Variants in HLCS observed in about 807,000 individuals in gnomAD.
The protein encoded by HLCS is holocarboxylase synthetase, also known as biotin--protein ligase.
In HLCS, 53 loss-of-function variants were observed where a neutral mutation model predicts 75.0. That is an observed-to-expected ratio of 0.71 (90% CI 0.57 to 0.89). The LOEUF (loss-of-function observed/expected upper bound fraction) is 0.89. HLCS is among the 40% of genes least tolerant of loss of function. The pLI, the probability that HLCS is intolerant of heterozygous loss-of-function variation, is 0.00. For missense variants in HLCS, 966 were observed against 1,074.0 expected, an observed-to-expected ratio of 0.90 and a Z score of 1.41; for synonymous variants, 431 against 428.6, an observed-to-expected ratio of 1.01 and a Z score of -0.07.
In HLCS at chr21:36,756,282, C is replaced by CA. The variant is rs35509622; in HGVS notation, c.2450+259dup. Reference sequence around the variant, plus strand: ...TGAAACCCCACCTCCACTAAAAATACAAAAAATTAGCCGGGTGTGGCGGCG... The same window carrying CA: ...TGAAACCCCACCTCCACTAAAAATACAAAAAAATTAGCCGGGTGTGGCGGCG... On this transcript the variant is annotated intron_variant, in intron 10 of 10. Transcript: ENST00000674895. Among the ~76,000 whole-genome samples the CA allele has an allele frequency of 9.2e-3, 1,386 of 151,460 alleles. 11 individuals are homozygous for CA. The highest frequency in any genetic ancestry group is 0.013 in the Non-Finnish European group (893 of 67,918).
At chr21:36,793,412 C>T (rs1368950208) in intron 6 of HLCS, among the ~76,000 whole-genome samples, 1 of 151,406 alleles carries the variant, frequency 6.6e-6, no homozygotes, top group African/African-American at 2.4e-5. Flanking sequence ...AGCAATTCTC[C>T]TTCCTCAGCC....
chr21:36,939,403 C>T (rs146267099), intron 2 of HLCS, among the ~76,000 whole-genome samples: 3 of 152,116 alleles, frequency 2.0e-5, no homozygotes, highest in Non-Finnish European at 4.4e-5. Context: ...AAGTGTGGTC[C>T]GAGACCAAGT....
chr21:36,756,866 C>A lies in HLCS; in HGVS notation c.2237-111G>T, dbSNP rs2089624522. 3 of 1,578,254 alleles carry A rather than the reference C, an allele frequency of 1.9e-6. No individual in the cohort carries two copies. The African/African-American group carries it at 4.1e-5, about 21-fold the overall frequency. The stretch of plus-strand genomic sequence containing the variant: ...GACTGTCAACTTCCTCCTTCCTTGT[C>A]CTCATTTCAGATTTCGTGTCTCTAA... On this transcript the variant is annotated intron_variant, in intron 9 of 10. Transcript: ENST00000674895.
intron 6 of HLCS, among the ~76,000 whole-genome samples, chr21:36,857,420 C>A (rs920005818): frequency 6.6e-5 from 10 of 152,218 alleles, no homozygotes; most frequent in Non-Finnish European, 1.3e-4. Context: ...TTGCTAGACT[C>A]TCCTCACTAG....
intron 6 of HLCS, among the ~76,000 whole-genome samples, chr21:36,825,637 G>A (rs117601490): frequency 2.0e-5 from 3 of 152,234 alleles, no homozygotes; most frequent in East Asian, 1.9e-4. Flanking sequence ...GGTCACCCCC[G>A]CCCCAGGACT....
At chr21:36,959,181 G>A (rs549465836) in intron 2 of HLCS, among the ~76,000 whole-genome samples, 4 of 152,342 alleles carry the variant, frequency 2.6e-5, no homozygotes, top group East Asian at 1.9e-4. Flanking sequence ...GCCTGATCCC[G>A]CTGCCTGGCC....
Position 36,897,150 on chromosome 21 carries a change from A to T in HLCS, c.1621-19T>A, listed in dbSNP as rs1262258999. The T allele has an allele frequency of 2.5e-6, 4 of 1,614,024 alleles. No individual in the cohort carries two copies. The East Asian group carries it at 8.9e-5, about 36-fold the overall frequency. On this transcript the variant is annotated intron_variant, in intron 5 of 10. Transcript: ENST00000674895. ...TGATTTCCTGTGTCATAAAGAAAGA[A>T]ATGAGATGGTCGTAATTTGGCATTA...
In HLCS at chr21:36,762,481, C is replaced by T. The variant is rs186434141; in HGVS notation, c.2121+2531G>A. On this transcript the variant is annotated intron_variant, in intron 8 of 10. Coordinates refer to ENST00000674895, the MANE Select transcript of HLCS (RefSeq NM_001352514.2). ...AGGAATGCCTGCATCCCAGCGAGGC[C>T]GCCTTGGGTCTGGGGAGGGTGGTCA... Among the ~76,000 whole-genome samples, 63 of 152,212 alleles carry T rather than the reference C, an allele frequency of 4.1e-4. No individual in the cohort carries two copies. The East Asian group carries it at 0.01, about 25-fold the overall frequency.
chr21:36,916,196 G>T (rs1404167426), intron 5 of HLCS, among the ~76,000 whole-genome samples: 1 of 152,112 alleles, frequency 6.6e-6, no homozygotes, highest in Non-Finnish European at 1.5e-5. Flanking sequence ...CGATACTTGG[G>T]TTAGGAAATT....
intron 6 of HLCS, among the ~76,000 whole-genome samples, chr21:36,890,636 G>A (rs1034451736): frequency 2.0e-5 from 3 of 152,046 alleles, no homozygotes; most frequent in African/African-American, 7.2e-5. Context: ...CATGCCCAGA[G>A]AGATCAAAAG....
At chr21:36,822,436 G>GA (rs1310256164) in intron 6 of HLCS, among the ~76,000 whole-genome samples, 3 of 149,606 alleles carry the variant, frequency 2.0e-5, no homozygotes, top group Non-Finnish European at 3.0e-5. Context: ...TCTTGGAAAA[G>GA]AAAAAAAAAG....
At chr21:36,785,083 G>T (rs2060646823) in intron 6 of HLCS, among the ~76,000 whole-genome samples, 1 of 152,058 alleles carries the variant, frequency 6.6e-6, no homozygotes. Context: ...TGACAAGGAA[G>T]AATGCCCTGC....
At chr21:36,770,446 CA>C (rs947501445) in intron 6 of HLCS, among the ~76,000 whole-genome samples, 2 of 151,820 alleles carry the variant, frequency 1.3e-5, no homozygotes, top group African/African-American at 4.8e-5. Context: ...CACGCCTGGC[CA>C]AAAACTACAT....
Position 36,750,920 on chromosome 21 carries a change from T to A in HLCS, c.*3326A>T, listed in dbSNP as rs1013181283. On this transcript the variant is annotated 3_prime_UTR_variant, in exon 11 of 11. Coordinates refer to ENST00000674895, the MANE Select transcript of HLCS (RefSeq NM_001352514.2). ...ACATTAAATTTATTTCTCACCTCCATTAAAAGGGTTTTTGCTTTGGAGTTT... is the reference window on the plus strand; with the variant it reads ...ACATTAAATTTATTTCTCACCTCCAATAAAAGGGTTTTTGCTTTGGAGTTT... 6.6e-6 allele frequency: 1 copy of A among 152,062 alleles called. No individual in the cohort carries two copies. The highest frequency in any genetic ancestry group is 1.5e-5 in the Non-Finnish European group (1 of 68,008). The allele number at this position is 152,062 out of a possible 1,614,324, so 9.4% of individuals were successfully genotyped here.
chr21:36,814,391 T>G (rs2061599892), intron 6 of HLCS, among the ~76,000 whole-genome samples: 1 of 152,228 alleles, frequency 6.6e-6, no homozygotes, highest in South Asian at 2.1e-4. Context: ...CATTTAAATG[T>G]GAATTTCAGA....
At chr21:36,967,342 C>T (rs1569263764), upstream of HLCS, among the ~76,000 whole-genome samples, 1 of 152,070 alleles carries the variant, frequency 6.6e-6, no homozygotes, top group Non-Finnish European at 1.5e-5. Flanking sequence ...GGACAGGAAA[C>T]AGAAATTGAA....
intron 6 of HLCS, among the ~76,000 whole-genome samples, chr21:36,804,818 A>G (rs8130179): frequency 0.05 from 7,625 of 152,266 alleles, 593 homozygotes; most frequent in African/African-American, 0.17. Flanking sequence ...TTGGTATTCT[A>G]TATGTGACTG....
chr21:36,894,886 T>C lies in HLCS; in HGVS notation c.1892+1974A>G, dbSNP rs185028227. ...AGTTTAATATCAAAAGTGAACTTCC[T>C]GATATCCAAGAATATTAAGGCAATA... On this transcript the variant is annotated intron_variant, in intron 6 of 10. Transcript: ENST00000674895. Among the ~76,000 whole-genome samples the C allele has an allele frequency of 2.3e-4, 35 of 152,044 alleles. No individual in the cohort carries two copies. In the East Asian group the frequency reaches 5.2e-3, roughly 23 times the overall value.
At chr21:36,978,691 G>A (rs1308498992) in intron 1 of HLCS, among the ~76,000 whole-genome samples, 2 of 152,134 alleles carry the variant, frequency 1.3e-5, no homozygotes, top group African/African-American at 4.8e-5. Context: ...TGCGAAGCTG[G>A]CAGGACTGAA....
Sources: allele counts gnomAD v4.1 joint callset (sites outside exome capture counted in the v4.1 genomes callset), GRCh38; gene constraint gnomAD v4.1.1; transcripts MANE v1.5; gene names NCBI Gene and HGNC (gene_info 2026-07-23, HGNC 2026-07-21).